PTPRG: variants seen among roughly 807,000 people sequenced by gnomAD.
The protein encoded by PTPRG is receptor-type tyrosine-protein phosphatase gamma.
A neutral mutation model predicts 165.3 loss-of-function variants in PTPRG; 102 were observed. That is an observed-to-expected ratio of 0.62 (90% CI 0.53 to 0.73). The LOEUF is 0.73. PTPRG is among the 30% of genes least tolerant of loss of function. The pLI, the probability that PTPRG is intolerant of heterozygous loss-of-function variation, is 0.00. For missense variants in PTPRG, 1,866 were observed against 1,861.4 expected (o/e 1.00, Z -0.05); for synonymous variants, 675 against 669.5 (o/e 1.01, Z -0.13).
chr3:62,077,112 A>G (rs1200190045), intron 4 of PTPRG, among the ~76,000 whole-genome samples: 1 of 152,096 alleles, frequency 6.6e-6, no homozygotes, highest in Non-Finnish European at 1.5e-5. Flanking sequence ...CAGAAAATAC[A>G]CAAATTAGCT....
intron 13 of PTPRG, among the ~76,000 whole-genome samples, chr3:62,230,036 G>A (rs554831816): frequency 5.9e-5 from 9 of 152,358 alleles, no homozygotes; most frequent in South Asian, 2.1e-4. Flanking sequence ...GCCACACTGA[G>A]TATATCCATG....
chr3:61,662,941 C>G (rs374599377), intron 1 of PTPRG, among the ~76,000 whole-genome samples: 1 of 152,154 alleles, frequency 6.6e-6, no homozygotes, highest in Non-Finnish European at 1.5e-5. Flanking sequence ...GATGCAGGTT[C>G]AAGTCGAGTA....
intron 2 of PTPRG, among the ~76,000 whole-genome samples, chr3:61,846,712 C>T (rs2036816714): frequency 6.6e-6 from 1 of 152,134 alleles, no homozygotes; most frequent in African/African-American, 2.4e-5. Flanking sequence ...CCCAGGAGCT[C>T]AAGACCAACC....
chr3:61,609,892 A>C (rs956467222), intron 1 of PTPRG, among the ~76,000 whole-genome samples: 6 of 151,974 alleles, frequency 3.9e-5, no homozygotes, highest in African/African-American at 9.7e-5. Context: ...TATTTCTATC[A>C]ATTTACACAG....
intron 17 of PTPRG, among the ~76,000 whole-genome samples, chr3:62,265,875 CGTAT>C (rs1701851592): frequency 2.7e-5 from 2 of 73,462 alleles, no homozygotes; most frequent in African/African-American, 1.0e-4. Flanking sequence ...CACACACACA[CGTAT>C]ACATCTGTGC....
At chr3:61,659,362 TTGAC>T (rs1375894314) in intron 1 of PTPRG, 1 of 985,044 alleles carries the variant, frequency 1.0e-6, no homozygotes, top group African/African-American at 1.7e-5. Context: ...TCGGGAGCTC[TTGAC>T]TGACTGCATT....
chr3:61,722,579 A>G (rs2032097082), intron 1 of PTPRG, among the ~76,000 whole-genome samples: 1 of 152,220 alleles, frequency 6.6e-6, no homozygotes. Flanking sequence ...CTGTTTATGC[A>G]TAAGTCTTCC....
At chr3:61,789,710 T>G (rs933271929) in intron 2 of PTPRG, among the ~76,000 whole-genome samples, 1 of 152,230 alleles carries the variant, frequency 6.6e-6, no homozygotes, top group Non-Finnish European at 1.5e-5. Context: ...TTGAAAAGGA[T>G]GAAGAGTTCT....
intron 8 of PTPRG, among the ~76,000 whole-genome samples, chr3:62,185,281 CAGG>C (rs1179238551): frequency 6.6e-6 from 1 of 152,212 alleles, no homozygotes; most frequent in Non-Finnish European, 1.5e-5. Context: ...AGGCTGTTGT[CAGG>C]AGGCCTCACA....
chr3:62,267,883 C>T, intron 19 of PTPRG, 64 bp downstream of exon 19: 1 of 1,562,930 alleles, frequency 6.4e-7, no homozygotes, highest in South Asian at 1.2e-5. Flanking sequence ...TTGTGGAGTA[C>T]CTGCTTTAGG....
At chr3:61,655,586 A>G (rs1054603476) in intron 1 of PTPRG, among the ~76,000 whole-genome samples, 1 of 151,906 alleles carries the variant, frequency 6.6e-6, no homozygotes, top group Non-Finnish European at 1.5e-5. Flanking sequence ...GTGGTTGCAT[A>G]TTTTGGCTCT....
Position 62,195,549 on chromosome 3 carries a change from A to T in PTPRG, c.1327+379A>T, listed in dbSNP as rs1699939411. 6.6e-6 allele frequency among the ~76,000 whole-genome samples: 1 copy of T among 152,016 alleles called. No individual in the cohort carries two copies. Among genetic ancestry groups the T allele is most frequent in the Non-Finnish European group, 1.5e-5 (1 of 67,994 alleles). ...TGATTCAGTTAGCTGTTCTCTCAAA[A>T]ACTGCAGCCCATAGCAGCTACACCT... On this transcript the variant is annotated intron_variant, in intron 10 of 29. Coordinates refer to ENST00000474889, the MANE Select transcript of PTPRG (RefSeq NM_002841.4). This position sits in a 1 kb window ranked among gnomAD's most constrained non-coding sequence, Gnocchi z 4.4.
rs767538996 is a variant in PTPRG, at chr3:62,297,374, C to T, written c.*4067C>T. 2 of 150,538 alleles carry T rather than the reference C, an allele frequency of 1.3e-5. No homozygotes were observed. The highest frequency in any genetic ancestry group is 4.9e-5 in the African/African-American group (2 of 41,040). 9.3% of individuals were successfully genotyped at this position (150,538 alleles called of 1,614,324 possible). On this transcript the variant is annotated 3_prime_UTR_variant, in exon 30 of 30. Coordinates refer to ENST00000474889, the MANE Select transcript of PTPRG (RefSeq NM_002841.4). ...TGGGTTTTCTTTTTAATTCCATTGA[C>T]CATTTGTGCAATAGGAATTAGACAT... is the stretch of plus-strand genomic sequence containing the variant.
At position 62,243,911 on chromosome 3, in the gene PTPRG, C is replaced by G. The variant is rs762153448; in HGVS notation, c.2467+13C>G. 7.2e-7 allele frequency: 1 copy of G among 1,394,856 alleles called. No individual in the cohort carries two copies. The highest frequency in any genetic ancestry group is 1.0e-6 in the Non-Finnish European group (1 of 991,182). The allele number at this position is 1,394,856 out of a possible 1,614,324, so 86.4% of individuals were successfully genotyped here. On this transcript the variant is annotated intron_variant, in intron 15 of 29. Coordinates refer to ENST00000474889, the MANE Select transcript of PTPRG (RefSeq NM_002841.4). ...ATTCCTATTCCGGGTAAGTAAGACA[C>G]TGCTCTTATTTCCAATGGGCTAATT... is the stretch of plus-strand genomic sequence containing the variant.
intron 8 of PTPRG, among the ~76,000 whole-genome samples, chr3:62,174,223 T>G (rs564077263): frequency 6.6e-6 from 1 of 152,328 alleles, no homozygotes; most frequent in African/African-American, 2.4e-5. Context: ...AAAATAACTT[T>G]CCTTCCAACA....
At chr3:61,676,308 T>C (rs1814926) in intron 1 of PTPRG, among the ~76,000 whole-genome samples, 85,122 of 150,620 alleles carry the variant, frequency 0.57, 25,027 homozygotes, top group South Asian at 0.7. Context: ...ATACAAAATA[T>C]TAGCTGGGTG....
At chr3:61,594,531 AC>A (rs922978815) in intron 1 of PTPRG, among the ~76,000 whole-genome samples, 2 of 151,602 alleles carry the variant, frequency 1.3e-5, no homozygotes, top group Non-Finnish European at 2.9e-5. Context: ...TTGGAGGAGC[AC>A]CCCCCATCTG....
At chr3:62,108,673 C>A (rs1027991014) in intron 5 of PTPRG, among the ~76,000 whole-genome samples, 1 of 152,156 alleles carries the variant, frequency 6.6e-6, no homozygotes, top group African/African-American at 2.4e-5. Context: ...AGTGTAAAAG[C>A]GTTCCTATTT....
chr3:62,249,716 A>T (rs151324382), intron 15 of PTPRG, among the ~76,000 whole-genome samples: 7 of 152,166 alleles, frequency 4.6e-5, no homozygotes. Flanking sequence ...GCCATTAACA[A>T]TTTATCTACC....
Sources: gnomAD v4.1 joint callset for allele counts (sites outside exome capture counted in the v4.1 genomes callset) on GRCh38, gnomAD v4.1.1 for gene constraint, Gnocchi (gnomAD v3.1) non-coding constraint, MANE v1.5 for transcripts, NCBI Gene and HGNC (gene_info 2026-07-23, HGNC 2026-07-21) for gene names.